Variants in LMO7 observed in about 807,000 individuals in gnomAD.
LMO7 encodes the protein LIM domain only protein 7.
A neutral mutation model predicts 206.5 loss-of-function variants in LMO7; 120 were observed. That is an observed-to-expected ratio of 0.58 (90% CI 0.50 to 0.68). The LOEUF (loss-of-function observed/expected upper bound fraction) is 0.68, where lower values mean the gene tolerates loss of function less well. LMO7 is among the 30% of genes least tolerant of loss of function. The pLI, the probability that LMO7 is intolerant of heterozygous loss-of-function variation, is 0.00. For missense variants in LMO7, 1,959 were observed against 1,957.9 expected, an observed-to-expected ratio of 1.00 and a Z score of -0.01; for synonymous variants, 706 against 681.5, an observed-to-expected ratio of 1.04 and a Z score of -0.56.
chr13:75,655,037 A>AT, intron 1 of LMO7, among the ~76,000 whole-genome samples: 2 of 151,884 alleles, frequency 1.3e-5, no homozygotes, highest in Middle Eastern at 6.8e-3. Flanking sequence ...CGCCCGGCTA[A>AT]TTTTTGTATT....
intron 15 of LMO7, among the ~76,000 whole-genome samples, chr13:75,826,819 T>A (rs1294228218): frequency 6.6e-6 from 1 of 152,170 alleles, no homozygotes; most frequent in Non-Finnish European, 1.5e-5. Flanking sequence ...GACTCAAGAT[T>A]TAGTATCATG....
intron 11 of LMO7, among the ~76,000 whole-genome samples, chr13:75,811,208 C>CTCTT (rs1555332733): frequency 8.4e-5 from 11 of 130,702 alleles, no homozygotes; most frequent in African/African-American, 3.0e-4. Context: ...TTTTCTTTCT[C>CTCTT]TTTTTTTTTT....
chr13:75,779,289 A>C (rs183853246), intron 4 of LMO7, among the ~76,000 whole-genome samples: 1 of 152,250 alleles, frequency 6.6e-6, no homozygotes, highest in African/African-American at 2.4e-5. Context: ...GTTTCCTGGG[A>C]AGTATTAGCA....
chr13:75,823,490 A>C lies in LMO7; in HGVS notation c.2641-75A>C, dbSNP rs1050255431. 241 of 1,152,058 alleles carry C rather than the reference A, an allele frequency of 2.1e-4. 1 individual carries two copies. The highest frequency in any genetic ancestry group is 2.6e-4 in the Non-Finnish European group (214 of 816,238). The allele number at this position is 1,152,058 out of a possible 1,614,324, so 71.4% of individuals were successfully genotyped here. On this transcript the variant is annotated intron_variant, in intron 14 of 30. Coordinates refer to ENST00000377534, the MANE Select transcript of LMO7 (RefSeq NM_001306080.2). ...ATGTTATTTTAGTTTTAAAATATTA[A>C]TTTAATAAACAACTTTTAAAAACAG...
At chr13:75,737,791 A>AAT (rs2046021867) in intron 3 of LMO7, among the ~76,000 whole-genome samples, 1 of 133,430 alleles carries the variant, frequency 7.5e-6, no homozygotes, top group Non-Finnish European at 1.6e-5. Context: ...ATAAAAAAAA[A>AAT]AAAAAAAAAA....
chr13:75,768,596 C>T (rs2049210721), intron 4 of LMO7, among the ~76,000 whole-genome samples: 1 of 152,032 alleles, frequency 6.6e-6, no homozygotes, highest in Non-Finnish European at 1.5e-5. Context: ...CTAAACTAGT[C>T]AGTGACACCA....
At chr13:75,845,779 C>A (rs574448288) in intron 26 of LMO7, among the ~76,000 whole-genome samples, 253 of 152,114 alleles carry the variant, frequency 1.7e-3, no homozygotes, top group African/African-American at 5.7e-3. Flanking sequence ...GTCAAAAAAT[C>A]AAAAATTATG....
intron 3 of LMO7, among the ~76,000 whole-genome samples, chr13:75,756,924 TG>T (rs1158864225): frequency 6.6e-6 from 1 of 152,278 alleles, no homozygotes; most frequent in East Asian, 1.9e-4. Flanking sequence ...ATCACTGAGG[TG>T]GGTCCAGAGA....
chr13:75,727,473 G>A lies in LMO7; in HGVS notation c.210+375G>A, dbSNP rs968525042. 3.3e-5 allele frequency among the ~76,000 whole-genome samples: 5 copies of A among 151,886 alleles called. No homozygotes were observed. In the South Asian group the frequency reaches 6.2e-4, roughly 19 times the overall value. ...CAACATCAAAATATATACAAAGTAC[G>A]AATACCTTCTACCTCAGATCCATGT... On this transcript the variant is annotated intron_variant, in intron 3 of 30. Coordinates refer to ENST00000377534, the MANE Select transcript of LMO7 (RefSeq NM_001306080.2).
At chr13:75,670,511 A>G (rs1311432182) in intron 1 of LMO7, among the ~76,000 whole-genome samples, 1 of 152,212 alleles carries the variant, frequency 6.6e-6, no homozygotes, top group African/African-American at 2.4e-5. Context: ...CCTGTGCTGC[A>G]TGTTATTGTG....
At chr13:75,792,671 C>A (rs1471780607) in intron 4 of LMO7, among the ~76,000 whole-genome samples, 1 of 152,260 alleles carries the variant, frequency 6.6e-6, no homozygotes, top group East Asian at 1.9e-4. Context: ...AAAGGAGCTG[C>A]TTGGTTACCG....
At chr13:75,632,632 G>C (rs1408415944), upstream of LMO7, among the ~76,000 whole-genome samples, 1 of 152,188 alleles carries the variant, frequency 6.6e-6, no homozygotes, top group Non-Finnish European at 1.5e-5. Flanking sequence ...GATCCCCAAG[G>C]CTGTGCACTT....
In LMO7 at chr13:75,690,859, T is replaced by C. The variant is rs78787519; in HGVS notation, c.70-22323T>C. On this transcript the variant is annotated intron_variant, in intron 1 of 30. Transcript: ENST00000377534. ...TGAGGAAATGTGCACAGATACTTGC[T>C]GAAAGGATGAACAATAGTTTCCACT... Among the ~76,000 whole-genome samples the C allele has an allele frequency of 1.1e-3, 164 of 152,344 alleles. 4 individuals are homozygous for C. The East Asian group carries it at 0.021, about 20-fold the overall frequency.
chr13:75,683,102 C>T (rs1237540966), intron 1 of LMO7, among the ~76,000 whole-genome samples: 1 of 150,430 alleles, frequency 6.6e-6, no homozygotes, highest in Non-Finnish European at 1.5e-5. Context: ...GCTCTGTTGC[C>T]CAGGCTGGAG....
At chr13:75,796,252 A>G (rs2053994831) in intron 5 of LMO7, among the ~76,000 whole-genome samples, 2 of 152,228 alleles carry the variant, frequency 1.3e-5, no homozygotes, top group African/African-American at 2.4e-5. Context: ...AAAGTTTAAC[A>G]TCCTTATTAA....
At chr13:75,838,433 CTTTT>C in intron 20 of LMO7, 2 of 311,306 alleles carry the variant, frequency 6.4e-6, no homozygotes, top group South Asian at 4.9e-5. Flanking sequence ...AAACATTTTA[CTTTT>C]TTTTTTTTAA....
At chr13:75,728,285 G>A (rs1384884891) in intron 3 of LMO7, among the ~76,000 whole-genome samples, 2 of 152,138 alleles carry the variant, frequency 1.3e-5, no homozygotes, top group Admixed American at 6.5e-5. Context: ...TCCAGCACCT[G>A]TTGTTTCCTG....
At chr13:75,733,642 G>C (rs4884016) in intron 3 of LMO7, among the ~76,000 whole-genome samples, 1 of 48,688 alleles carries the variant, frequency 2.1e-5, no homozygotes, top group Non-Finnish European at 4.3e-5. Flanking sequence ...ACTGTCCTGC[G>C]CCCACTGTCT....
At chr13:75,704,132 C>T (rs1322100266) in intron 1 of LMO7, among the ~76,000 whole-genome samples, 1 of 152,274 alleles carries the variant, frequency 6.6e-6, no homozygotes, top group South Asian at 2.1e-4. Context: ...TTAGAGAAGG[C>T]ATCCAGCTCC....
Sources: allele counts gnomAD v4.1 joint callset (sites outside exome capture counted in the v4.1 genomes callset), GRCh38; gene constraint gnomAD v4.1.1; transcripts MANE v1.5; gene names NCBI Gene and HGNC (gene_info 2026-07-23, HGNC 2026-07-21).